The following PCDH9 variants were observed in gnomAD, a reference collection of about 807,000 sequenced individuals.
The protein encoded by PCDH9 is protocadherin 9.
In PCDH9, 24 loss-of-function variants were observed where a neutral mutation model predicts 70.6. That is an observed-to-expected ratio of 0.34 (90% CI 0.25 to 0.48). The LOEUF (loss-of-function observed/expected upper bound fraction) is 0.48, where lower values mean the gene tolerates loss of function less well. Ranked by LOEUF, PCDH9 falls within the 20% of genes least tolerant of loss-of-function variation. The pLI, the probability that PCDH9 is intolerant of heterozygous loss-of-function variation, is 0.99. For missense variants in PCDH9, 1,281 were observed against 1,503.6 expected, an observed-to-expected ratio of 0.85 and a Z score of 2.45; for synonymous variants, 562 against 558.5, an observed-to-expected ratio of 1.01 and a Z score of -0.09.
chr13:66,542,688 G>GTT (rs1241364982), intron 4 of PCDH9, among the ~76,000 whole-genome samples: 1 of 76,666 alleles, frequency 1.3e-5, no homozygotes, highest in African/African-American at 3.1e-5. Context: ...ATATATATAT[G>GTT]TTTAAATATA....
chr13:66,664,509 G>T (rs1162417943), intron 3 of PCDH9, among the ~76,000 whole-genome samples: 1 of 151,824 alleles, frequency 6.6e-6, no homozygotes, highest in Middle Eastern at 3.4e-3. Context: ...AAGAATTAAG[G>T]AATTGTTCAC....
chr13:67,087,660 A>G (rs1480232858), intron 2 of PCDH9, among the ~76,000 whole-genome samples: 1 of 152,016 alleles, frequency 6.6e-6, no homozygotes, highest in African/African-American at 2.4e-5. Context: ...TCCTCCTGTT[A>G]CACACACTTT....
chr13:66,622,343 G>A (rs2138905295), intron 4 of PCDH9, among the ~76,000 whole-genome samples: 1 of 152,314 alleles, frequency 6.6e-6, no homozygotes, highest in East Asian at 1.9e-4. Context: ...GGCCCACAGC[G>A]TGGGACTGGC....
chr13:66,920,582 C>G (rs1166456925), intron 2 of PCDH9, among the ~76,000 whole-genome samples: 2 of 151,062 alleles, frequency 1.3e-5, no homozygotes, highest in African/African-American at 4.8e-5. Flanking sequence ...AAAATTAAAG[C>G]CTGTAACCAC....
chr13:67,170,677 C>A (rs1424498947), intron 2 of PCDH9, among the ~76,000 whole-genome samples: 2 of 152,178 alleles, frequency 1.3e-5, no homozygotes, highest in Non-Finnish European at 1.5e-5. Flanking sequence ...GTAATCCCAG[C>A]ACTTTGGGAG....
At chr13:66,393,939 T>G (rs1029411270) in intron 4 of PCDH9, among the ~76,000 whole-genome samples, 6 of 151,838 alleles carry the variant, frequency 4.0e-5, no homozygotes, top group Non-Finnish European at 7.4e-5. Flanking sequence ...ATCTGTAGAG[T>G]TTTTTAGGAG....
chr13:66,876,396 TA>T (rs143496962), intron 3 of PCDH9, among the ~76,000 whole-genome samples: 10,538 of 151,180 alleles, frequency 0.07, 1,209 homozygotes, highest in African/African-American at 0.24. Flanking sequence ...AGGAGTAAGG[TA>T]AAAAAAAATA....
intron 4 of PCDH9, among the ~76,000 whole-genome samples, chr13:66,620,003 C>T (rs2077403264): frequency 6.6e-6 from 1 of 152,108 alleles, no homozygotes; most frequent in Non-Finnish European, 1.5e-5. Flanking sequence ...CCCAGCAGCT[C>T]AGACTTTAAA....
At chr13:66,768,221 T>A (rs2079750097) in intron 3 of PCDH9, among the ~76,000 whole-genome samples, 1 of 152,034 alleles carries the variant, frequency 6.6e-6, no homozygotes, top group Non-Finnish European at 1.5e-5. Flanking sequence ...ATGTTCCCCC[T>A]ATGGCAATAG....
intron 4 of PCDH9, among the ~76,000 whole-genome samples, chr13:66,415,575 A>T (rs1811443400): frequency 6.6e-6 from 1 of 152,214 alleles, no homozygotes; most frequent in African/African-American, 2.4e-5. Context: ...ACCCTTTGCT[A>T]AAGAGTGTCG....
chr13:66,911,665 T>C (rs541250893), intron 2 of PCDH9, among the ~76,000 whole-genome samples: 4 of 152,332 alleles, frequency 2.6e-5, no homozygotes, highest in African/African-American at 9.6e-5. Context: ...CCTTATATTA[T>C]TACCTTACTG....
Position 66,649,069 on chromosome 13 carries a change from A to G in PCDH9, c.3139-17658T>C, listed in dbSNP as rs1481084469. ...GAAGCCTTCCTACAAGATCTAGAAA[A>G]TGGCCTAAAAAGGGCACATCTAAGA... On this transcript the variant is annotated intron_variant, in intron 3 of 4. Transcript: ENST00000377865. Among the ~76,000 whole-genome samples, 3 of 152,256 alleles carry G rather than the reference A, an allele frequency of 2.0e-5. No homozygotes were observed. The East Asian group carries it at 5.8e-4, about 29-fold the overall frequency.
chr13:67,144,582 T>C lies in PCDH9; in HGVS notation c.3036+80823A>G, dbSNP rs188298294. Reference sequence around the variant, plus strand: ...TACTTGCTAACTACCAAACTGATATTGAAAGAGTAAAAATGTCAAGGATCC... The same window carrying C: ...TACTTGCTAACTACCAAACTGATATCGAAAGAGTAAAAATGTCAAGGATCC... On this transcript the variant is annotated intron_variant, in intron 2 of 4. Coordinates refer to ENST00000377865, the MANE Select transcript of PCDH9 (RefSeq NM_203487.3). Among the ~76,000 whole-genome samples, 11 of 152,278 alleles carry C rather than the reference T, an allele frequency of 7.2e-5. No homozygotes were observed. In the East Asian group the frequency reaches 2.1e-3, roughly 29 times the overall value.
chr13:66,360,249 C>T (rs1956447296), intron 4 of PCDH9, among the ~76,000 whole-genome samples: 1 of 151,968 alleles, frequency 6.6e-6, no homozygotes, highest in South Asian at 2.1e-4. Flanking sequence ...ATATAGATAG[C>T]AGTAGTTTTG....
intron 2 of PCDH9, among the ~76,000 whole-genome samples, chr13:67,102,916 C>T (rs1392363374): frequency 2.0e-5 from 3 of 152,044 alleles, no homozygotes; most frequent in Non-Finnish European, 4.4e-5. Context: ...CATGGTTATA[C>T]TCCTACCTCT....
At chr13:67,171,490 T>G (rs1486251325) in intron 2 of PCDH9, among the ~76,000 whole-genome samples, 1 of 152,182 alleles carries the variant, frequency 6.6e-6, no homozygotes, top group Non-Finnish European at 1.5e-5. Flanking sequence ...AGAATTAAAG[T>G]TGGAAGCCTT....
chr13:66,603,994 T>C (rs911100343), intron 4 of PCDH9, among the ~76,000 whole-genome samples: 2 of 152,042 alleles, frequency 1.3e-5, no homozygotes, highest in Admixed American at 1.3e-4. Flanking sequence ...TCCCCTTTCA[T>C]TTATGATGAT....
At chr13:66,364,318 G>T (rs781087645) in intron 4 of PCDH9, among the ~76,000 whole-genome samples, 1 of 152,122 alleles carries the variant, frequency 6.6e-6, no homozygotes, top group Non-Finnish European at 1.5e-5. Flanking sequence ...GATACATTTT[G>T]CCATGAAACT....
At chr13:66,749,720 C>T (rs115511678) in intron 3 of PCDH9, among the ~76,000 whole-genome samples, 1 of 152,004 alleles carries the variant, frequency 6.6e-6, no homozygotes, top group Admixed American at 6.6e-5. Context: ...GGATGCCTAC[C>T]CCTTACTAGT....
Sources: gnomAD v4.1 joint callset for allele counts (sites outside exome capture counted in the v4.1 genomes callset) on GRCh38, gnomAD v4.1.1 for gene constraint, MANE v1.5 for transcripts, NCBI Gene and HGNC (gene_info 2026-07-23, HGNC 2026-07-21) for gene names.